Variants in ZHX2 observed in about 807,000 individuals in gnomAD.
The protein encoded by ZHX2 is zinc fingers and homeoboxes 2.
ZHX2 carries 6 observed loss-of-function variants against 21.9 expected under a neutral mutation model. The observed-to-expected ratio is 0.27, with a 90% CI of 0.15 to 0.54. The LOEUF (loss-of-function observed/expected upper bound fraction) is 0.54, where lower values mean the gene tolerates loss of function less well. Among genes scored for constraint, ZHX2 ranks in the 20% least tolerant of loss-of-function variants. The pLI, the probability that ZHX2 is intolerant of heterozygous loss-of-function variation, is 0.95. For synonymous variants in ZHX2, 434 were observed against 437.1 expected, an observed-to-expected ratio of 0.99 and a Z score of 0.09; for missense variants, 908 against 1,090.7, an observed-to-expected ratio of 0.83 and a Z score of 2.36.
At chr8:122,962,766 A>C (rs1266110930) in intron 3 of ZHX2, among the ~76,000 whole-genome samples, 1 of 152,160 alleles carries the variant, frequency 6.6e-6, no homozygotes, top group African/African-American at 2.4e-5. Flanking sequence ...TTCCCTTTTT[A>C]TCACATCCAT....
intron 1 of ZHX2, among the ~76,000 whole-genome samples, chr8:122,792,294 G>A (rs1349669591): frequency 6.6e-6 from 1 of 152,146 alleles, no homozygotes; most frequent in Non-Finnish European, 1.5e-5. Context: ...GTTCATCCGC[G>A]TTGTAGCATG....
chr8:122,881,351 T>C (rs749489267), intron 2 of ZHX2, among the ~76,000 whole-genome samples: 1 of 152,204 alleles, frequency 6.6e-6, no homozygotes, highest in South Asian at 2.1e-4. Flanking sequence ...ATCAAAATCT[T>C]AGGTTCATAT....
At chr8:122,811,967 A>G (rs1256193163) in intron 1 of ZHX2, 1 of 152,186 alleles carries the variant, frequency 6.6e-6, no homozygotes, top group Non-Finnish European at 1.5e-5. Flanking sequence ...TCCTTCTCTC[A>G]TGGAACTTAC....
Position 122,852,162 on chromosome 8 carries a change from G to A in ZHX2, c.-282-11315G>A, listed in dbSNP as rs147596497. On this transcript the variant is annotated intron_variant, in intron 1 of 3. Coordinates refer to ENST00000314393, the MANE Select transcript of ZHX2 (RefSeq NM_014943.5). ...ATGGGGCATACAGGTGCGTGAATGT[G>A]TCCATTATTCCAAAAACAAATCAGT... 3.1e-3 allele frequency among the ~76,000 whole-genome samples: 475 copies of A among 152,258 alleles called. 2 individuals carry two copies. Among genetic ancestry groups the A allele is most frequent in the African/African-American group, 0.011 (466 of 41,546 alleles).
rs1466283506 is a variant in ZHX2, at chr8:122,953,957, CAGA to C, written c.2450_2452del (p.Glu817del). 13 of 1,614,022 alleles carry C rather than the reference CAGA, an allele frequency of 8.1e-6. No homozygotes were observed. The highest frequency in any genetic ancestry group is 1.1e-5 in the Non-Finnish European group (13 of 1,179,936). On this transcript the variant is annotated inframe_deletion, in exon 3 of 4. Transcript: ENST00000314393. The surrounding 1 kb of genome is among the most constrained non-coding windows in gnomAD (Gnocchi z 4.6). ...TCAGATAGCTGGAGTCAGGCTGCGG[CAGA>C]AGGTGTGTCGGAACTGGCTGAATCA...
At chr8:122,959,361 T>G (rs1813385496) in intron 3 of ZHX2, among the ~76,000 whole-genome samples, 1 of 152,216 alleles carries the variant, frequency 6.6e-6, no homozygotes, top group Non-Finnish European at 1.5e-5. Flanking sequence ...CTGTTCAGAT[T>G]AGCTGTCCAA....
rs1463333672 is a variant in ZHX2 at position 122,828,409 on chromosome 8, G to C, written c.-282-35068G>C. Reference sequence around the variant, plus strand: ...GACTGGAGGGAGGGTGCATTCTTATGCTGGCTGAGCATAAGGGTCATTACG... The same window carrying C: ...GACTGGAGGGAGGGTGCATTCTTATCCTGGCTGAGCATAAGGGTCATTACG... On this transcript the variant is annotated intron_variant, in intron 1 of 3. Transcript: ENST00000314393. This position sits in a 1 kb window ranked among gnomAD's most constrained non-coding sequence, Gnocchi z 5.2. Among the ~76,000 whole-genome samples the C allele has an allele frequency of 6.6e-6, 1 of 152,228 alleles. No homozygotes were observed. Among genetic ancestry groups the C allele is most frequent in the Admixed American group, 6.5e-5 (1 of 15,288 alleles).
intron 1 of ZHX2, among the ~76,000 whole-genome samples, chr8:122,815,190 C>T (rs866545790): frequency 1.3e-5 from 2 of 152,170 alleles, no homozygotes; most frequent in Admixed American, 6.5e-5. Context: ...ATTTATTGTA[C>T]GTACCACGGG....
In ZHX2 at chr8:122,951,978, C is replaced by T. The variant is rs553202546; in HGVS notation, c.468C>T (p.Ile156=). 8.5e-5 allele frequency: 137 copies of T among 1,613,842 alleles called. 1 individual carries two copies. In the South Asian group the frequency reaches 1.2e-3, roughly 14 times the overall value. ...ATCAAACTGTCTTGGAACAGTCCATCGAAACCACCAACCATGTCGTGTCCA... is the reference window on the plus strand; with the variant it reads ...ATCAAACTGTCTTGGAACAGTCCATTGAAACCACCAACCATGTCGTGTCCA... ...RNNQTVLEQS[I]ETTNHVVSIT... The change falls in exon 3 of 4, where the codon ATC becomes ATT. Residue 156 remains isoleucine (I), a synonymous_variant. Coordinates refer to ENST00000314393, the MANE Select transcript of ZHX2 (RefSeq NM_014943.5).
chr8:122,813,653 A>G (rs1377676238), intron 1 of ZHX2, among the ~76,000 whole-genome samples: 3 of 152,120 alleles, frequency 2.0e-5, no homozygotes, highest in Non-Finnish European at 4.4e-5. Flanking sequence ...AGTGTTTCAG[A>G]TTTTGATTTT....
chr8:122,903,920 C>G (rs1272593091), intron 2 of ZHX2, among the ~76,000 whole-genome samples: 1 of 152,080 alleles, frequency 6.6e-6, no homozygotes, highest in Non-Finnish European at 1.5e-5. Context: ...CACATTTTCT[C>G]TATTTCTCCC....
intron 2 of ZHX2, among the ~76,000 whole-genome samples, chr8:122,899,575 C>T (rs561595872): frequency 5.3e-5 from 8 of 152,184 alleles, no homozygotes; most frequent in African/African-American, 1.9e-4. Context: ...CTCAATACAC[C>T]CCCTTTCCCA....
chr8:122,887,545 A>C (rs921129348), intron 2 of ZHX2, among the ~76,000 whole-genome samples: 6 of 152,160 alleles, frequency 3.9e-5, no homozygotes, highest in African/African-American at 1.2e-4. Context: ...AAATGAAAAA[A>C]TATATATACA....
intron 2 of ZHX2, among the ~76,000 whole-genome samples, chr8:122,913,678 G>A (rs535088847): frequency 3.5e-4 from 53 of 152,314 alleles, no homozygotes; most frequent in South Asian, 8.3e-4. Context: ...AAACTCAGGG[G>A]ATTCAGGGGC....
intron 2 of ZHX2, among the ~76,000 whole-genome samples, chr8:122,932,464 T>C (rs1821017448): frequency 6.6e-6 from 1 of 152,210 alleles, no homozygotes; most frequent in Non-Finnish European, 1.5e-5. Flanking sequence ...CTTCTCCATC[T>C]TCAAAGCACA....
At position 122,953,844 on chromosome 8, in the gene ZHX2, C is replaced by T. The variant is rs376562688; in HGVS notation, c.2334C>T (p.Asp778=). 88 of 1,614,096 alleles carry T rather than the reference C, an allele frequency of 5.5e-5. No homozygotes were observed. The highest frequency in any genetic ancestry group is 7.2e-5 in the Non-Finnish European group (85 of 1,180,046). ...TSDRSEGSSR[D]GQGSDENEES... The stretch of plus-strand genomic sequence containing the variant: ...ACCGGTCAGAGGGCAGCAGCCGGGA[C>T]GGCCAGGGTAGCGACGAGAACGAGG... Residue 778 remains aspartate (D), a synonymous_variant, in exon 3 of 4, where the codon GAC becomes GAT. Transcript: ENST00000314393. The surrounding 1 kb of genome is among the most constrained non-coding windows in gnomAD (Gnocchi z 4.6).
intron 2 of ZHX2, among the ~76,000 whole-genome samples, chr8:122,944,487 G>A (rs1340737765): frequency 6.6e-6 from 1 of 151,988 alleles, no homozygotes; most frequent in Non-Finnish European, 1.5e-5. Flanking sequence ...TCTCCTTCTT[G>A]TATTTGCAAC....
intron 1 of ZHX2, among the ~76,000 whole-genome samples, chr8:122,792,905 C>T (rs4871307): frequency 0.55 from 83,410 of 152,072 alleles, 23,134 homozygotes; most frequent in Admixed American, 0.62. Context: ...TACCTCACCC[C>T]GGTCCAGGCC....
chr8:122,850,901 C>A (rs1187358581), intron 1 of ZHX2, among the ~76,000 whole-genome samples: 1 of 152,178 alleles, frequency 6.6e-6, no homozygotes, highest in Admixed American at 6.5e-5. Flanking sequence ...GGCCCCACAT[C>A]CTCACCTGCC....
Sources: allele counts gnomAD v4.1 joint callset (sites outside exome capture counted in the v4.1 genomes callset), GRCh38; gene constraint gnomAD v4.1.1; non-coding constraint Gnocchi (gnomAD v3.1); transcripts MANE v1.5; gene names NCBI Gene and HGNC (gene_info 2026-07-23, HGNC 2026-07-21).